The following KCNIP4 variants were observed in gnomAD, a reference collection of about 807,000 sequenced individuals.
KCNIP4 encodes Kv channel-interacting protein 4.
A neutral mutation model predicts 34.0 loss-of-function variants in KCNIP4; 12 were observed. The observed-to-expected ratio is 0.35, with a 90% CI of 0.23 to 0.57. The LOEUF is 0.57. KCNIP4 is among the 20% of genes least tolerant of loss of function. The pLI is 0.83. For synonymous variants in KCNIP4, 124 were observed against 102.2 expected (o/e 1.21, Z -1.29); for missense variants, 238 against 311.7 (o/e 0.76, Z 1.78).
chr4:21,390,032 T>C (rs1180266847), intron 1 of KCNIP4, among the ~76,000 whole-genome samples: 1 of 146,138 alleles, frequency 6.8e-6, no homozygotes, highest in Non-Finnish European at 1.5e-5. Flanking sequence ...TGGTTTTGAT[T>C]TGCATTTCTC....
chr4:21,902,805 T>C (rs1727781620), intron 1 of KCNIP4, among the ~76,000 whole-genome samples: 1 of 152,126 alleles, frequency 6.6e-6, no homozygotes, highest in Non-Finnish European at 1.5e-5. Flanking sequence ...GGAAAGATTA[T>C]AATGGAAGGG....
intron 1 of KCNIP4, among the ~76,000 whole-genome samples, chr4:21,573,762 G>A (rs1005548016): frequency 1.9e-4 from 29 of 152,066 alleles, no homozygotes; most frequent in African/African-American, 6.7e-4. Context: ...AGTACACTAC[G>A]CTCCATTTTG....
At chr4:20,922,054 A>G (rs188579952) in intron 1 of KCNIP4, among the ~76,000 whole-genome samples, 37 of 152,362 alleles carry the variant, frequency 2.4e-4, no homozygotes, top group Non-Finnish European at 3.5e-4. Flanking sequence ...CATCAGTTAA[A>G]TAACAGTAGA....
intron 1 of KCNIP4, among the ~76,000 whole-genome samples, chr4:21,821,410 T>C (rs1226475392): frequency 2.0e-5 from 3 of 152,140 alleles, no homozygotes; most frequent in Non-Finnish European, 2.9e-5. Flanking sequence ...TACATTTCAC[T>C]GGGGAAAGAG....
At chr4:21,415,597 G>T (rs1336216711) in intron 1 of KCNIP4, among the ~76,000 whole-genome samples, 1 of 151,986 alleles carries the variant, frequency 6.6e-6, no homozygotes, top group Non-Finnish European at 1.5e-5. Flanking sequence ...AACTATTCAG[G>T]AGGCTGAGGC....
chr4:20,973,821 G>T (rs1207749384), intron 1 of KCNIP4, among the ~76,000 whole-genome samples: 1 of 152,124 alleles, frequency 6.6e-6, no homozygotes, highest in Non-Finnish European at 1.5e-5. Context: ...AGTCAGTGGA[G>T]CAGTCAGAAT....
At chr4:21,030,237 C>A (rs1740899962) in intron 1 of KCNIP4, among the ~76,000 whole-genome samples, 1 of 151,992 alleles carries the variant, frequency 6.6e-6, no homozygotes, top group African/African-American at 2.4e-5. Flanking sequence ...GGAGCGTGAA[C>A]CCTATTGTGA....
intron 1 of KCNIP4, among the ~76,000 whole-genome samples, chr4:21,027,092 A>T (rs1316581484): frequency 2.6e-5 from 4 of 152,226 alleles, no homozygotes; most frequent in Admixed American, 2.6e-4. Flanking sequence ...GTGTGGATAG[A>T]TCAGTTTCTT....
intron 1 of KCNIP4, among the ~76,000 whole-genome samples, chr4:20,987,342 T>G (rs1736670401): frequency 6.6e-6 from 1 of 152,192 alleles, no homozygotes; most frequent in African/African-American, 2.4e-5. Context: ...GCTTTCTCCC[T>G]CATTCACTGA....
At chr4:20,804,504 C>T (rs1714808309) in intron 3 of KCNIP4, among the ~76,000 whole-genome samples, 1 of 152,062 alleles carries the variant, frequency 6.6e-6, no homozygotes, top group African/African-American at 2.4e-5. Flanking sequence ...TCTTCTAAAA[C>T]CACATATCTA....
rs144505412 is a variant in KCNIP4, at chr4:21,357,469, C to T, written c.62-474760G>A. Among the ~76,000 whole-genome samples, 540 of 152,196 alleles carry T rather than the reference C, an allele frequency of 3.5e-3. 2 individuals are homozygous for T. Among genetic ancestry groups the T allele is most frequent in the African/African-American group, 0.012 (506 of 41,532 alleles). ...TACAAAGAGAACTTAAACAAATTTA[C>T]AAGAAAAAGTCAAACAACCCCATCA... On this transcript the variant is annotated intron_variant, in intron 1 of 8. Coordinates refer to ENST00000382152, the MANE Select transcript of KCNIP4 (RefSeq NM_025221.6).
At chr4:21,316,802 A>C (rs1474587045) in intron 1 of KCNIP4, among the ~76,000 whole-genome samples, 2 of 152,064 alleles carry the variant, frequency 1.3e-5, no homozygotes, top group African/African-American at 4.8e-5. Context: ...CTCCTGTTTT[A>C]TTTTCTATAT....
chr4:21,272,999 T>C (rs932457197), intron 1 of KCNIP4, among the ~76,000 whole-genome samples: 6 of 152,222 alleles, frequency 3.9e-5, no homozygotes, highest in Non-Finnish European at 8.8e-5. Flanking sequence ...ATAGCTAGAA[T>C]TGCAGTGTCT....
At chr4:20,769,404 C>A (rs539704661) in intron 3 of KCNIP4, among the ~76,000 whole-genome samples, 13 of 152,008 alleles carry the variant, frequency 8.6e-5, no homozygotes, top group Non-Finnish European at 1.9e-4. Flanking sequence ...GTTTGATTTA[C>A]GGAGACTTTT....
intron 1 of KCNIP4, among the ~76,000 whole-genome samples, chr4:20,938,565 T>C (rs537502496): frequency 1.3e-5 from 2 of 152,318 alleles, no homozygotes; most frequent in East Asian, 3.9e-4. Context: ...TTGTTGGTCA[T>C]TGAGCATAAA....
intron 1 of KCNIP4, among the ~76,000 whole-genome samples, chr4:21,555,601 G>T (rs998523446): frequency 2.6e-5 from 4 of 151,994 alleles, no homozygotes; most frequent in Non-Finnish European, 5.9e-5. Context: ...GAATAAAATT[G>T]GTTGCATCTT....
chr4:21,282,042 G>C (rs1762809270), intron 1 of KCNIP4, among the ~76,000 whole-genome samples: 1 of 152,140 alleles, frequency 6.6e-6, no homozygotes, highest in Admixed American at 6.6e-5. Context: ...AACAGGATGT[G>C]ATCACTAAAA....
At chr4:21,657,309 T>C (rs1328514882) in intron 1 of KCNIP4, among the ~76,000 whole-genome samples, 1 of 152,242 alleles carries the variant, frequency 6.6e-6, no homozygotes, top group Admixed American at 6.5e-5. Flanking sequence ...GTTGGCTTAT[T>C]ATTTTCCGGT....
intron 1 of KCNIP4, among the ~76,000 whole-genome samples, chr4:21,915,480 C>G (rs893081613): frequency 6.6e-6 from 1 of 152,188 alleles, no homozygotes; most frequent in Non-Finnish European, 1.5e-5. Context: ...AATAACTTAT[C>G]TAGGTCATAC....
Sources: gnomAD v4.1 joint callset for allele counts (sites outside exome capture counted in the v4.1 genomes callset) on GRCh38, gnomAD v4.1.1 for gene constraint, MANE v1.5 for transcripts, NCBI Gene and HGNC (gene_info 2026-07-23, HGNC 2026-07-21) for gene names.